The following RANBP2 variants were observed in gnomAD, a reference collection of about 807,000 sequenced individuals.
RANBP2 encodes the protein E3 SUMO-protein ligase RanBP2.
Under a neutral mutation model 303.6 loss-of-function variants are expected in RANBP2, and 57 were observed. That is an observed-to-expected ratio of 0.19 (90% CI 0.15 to 0.23). The LOEUF is 0.23. Among genes scored for constraint, RANBP2 ranks in the 10% least tolerant of loss-of-function variants. The probability of loss-of-function intolerance (pLI) is 1.00; values close to 1 mark genes in which losing one functional copy is unlikely to be tolerated. For synonymous variants in RANBP2, 1,167 were observed against 1,301.5 expected (o/e 0.90, Z 2.23); for missense variants, 3,138 against 3,780.8 (o/e 0.83, Z 4.46).
the RANBP2 span, among the ~76,000 whole-genome samples, chr2:109,514,395 G>A: frequency 3.3e-5 from 5 of 152,260 alleles, no homozygotes; most frequent in South Asian, 2.1e-4. Context: ...CAGCCCATCC[G>A]CCCACCGCCC....
At chr2:109,066,143 C>G in the RANBP2 span, among the ~76,000 whole-genome samples, 1 of 151,146 alleles carries the variant, frequency 6.6e-6, no homozygotes, top group African/African-American at 2.4e-5. Flanking sequence ...TAGTATCGCT[C>G]TGTCCCCCAG....
At chr2:109,629,300 A>AAGATAGATAGAT in the RANBP2 span, among the ~76,000 whole-genome samples, 1 of 105,816 alleles carries the variant, frequency 9.5e-6, no homozygotes, top group Non-Finnish European at 1.8e-5. Flanking sequence ...ACCTGGCCTA[A>AAGATAGATAGAT]AGATATATAT....
chr2:108,929,412 G>C, the RANBP2 span: 2 of 1,609,936 alleles, frequency 1.2e-6, no homozygotes, highest in Non-Finnish European at 1.7e-6. Flanking sequence ...GGACACAGGT[G>C]AGTGCAGCAG....
At chr2:108,755,725 T>G (rs1676259957) in intron 17 of RANBP2, among the ~76,000 whole-genome samples, 1 of 151,470 alleles carries the variant, frequency 6.6e-6, no homozygotes, top group Non-Finnish European at 1.5e-5. Context: ...TTACCATATT[T>G]TGTTTTGTTT....
At chr2:109,694,406 CTT>C in the RANBP2 span, among the ~76,000 whole-genome samples, 4 of 137,890 alleles carry the variant, frequency 2.9e-5, no homozygotes, top group Admixed American at 7.4e-5. Flanking sequence ...AACTAAACCT[CTT>C]TTTTTTTTTT....
chr2:109,404,903 T>C, the RANBP2 span, among the ~76,000 whole-genome samples: 1 of 152,234 alleles, frequency 6.6e-6, no homozygotes, highest in Non-Finnish European at 1.5e-5. Context: ...ACAGCACCCC[T>C]TCCTGAACCT....
chr2:108,786,837 C>T (rs1212700986), downstream of RANBP2: 1 of 1,591,278 alleles, frequency 6.3e-7, no homozygotes, highest in Non-Finnish European at 8.5e-7. Flanking sequence ...AGCCGAGGGT[C>T]GTCAAGCCAC....
chr2:109,679,159 C>T, the RANBP2 span, among the ~76,000 whole-genome samples: 1 of 152,178 alleles, frequency 6.6e-6, no homozygotes, highest in Non-Finnish European at 1.5e-5. Flanking sequence ...AAAATCACCA[C>T]CCAAAAGCAC....
the RANBP2 span, among the ~76,000 whole-genome samples, chr2:108,800,917 G>C: frequency 8.6e-6 from 1 of 116,738 alleles, no homozygotes; most frequent in African/African-American, 3.2e-5. Context: ...TGAGAATGAT[G>C]GTTTCCAGTT....
chr2:109,263,667 T>G, the RANBP2 span, among the ~76,000 whole-genome samples: 1 of 152,152 alleles, frequency 6.6e-6, no homozygotes, highest in Non-Finnish European at 1.5e-5. Context: ...ACTGTACTAT[T>G]AATAGAAAGG....
At chr2:109,076,973 C>T in the RANBP2 span, among the ~76,000 whole-genome samples, 3 of 150,374 alleles carry the variant, frequency 2.0e-5, no homozygotes, top group Non-Finnish European at 3.0e-5. Context: ...AGAGTCATTG[C>T]ACTCCCTGAT....
At chr2:109,713,675 C>T in the RANBP2 span, among the ~76,000 whole-genome samples, 1 of 152,056 alleles carries the variant, frequency 6.6e-6, no homozygotes, top group Non-Finnish European at 1.5e-5. Flanking sequence ...TCCTTGTGCC[C>T]AGAGAGTCCA....
chr2:108,866,371 C>T, the RANBP2 span, among the ~76,000 whole-genome samples: 1 of 152,228 alleles, frequency 6.6e-6, no homozygotes, highest in Non-Finnish European at 1.5e-5. Flanking sequence ...CTAACATTCA[C>T]AGGTTCCCAT....
chr2:108,825,632 A>G, the RANBP2 span, among the ~76,000 whole-genome samples: 2 of 152,168 alleles, frequency 1.3e-5, no homozygotes, highest in African/African-American at 4.8e-5. Context: ...ACATGTGTCA[A>G]TACTTCATTC....
At chr2:109,384,623 G>A in the RANBP2 span, among the ~76,000 whole-genome samples, 2 of 152,124 alleles carry the variant, frequency 1.3e-5, no homozygotes, top group South Asian at 2.1e-4. Flanking sequence ...CTTCTCTGCC[G>A]AGTGCCCGCG....
At chr2:109,381,865 T>C in the RANBP2 span, among the ~76,000 whole-genome samples, 7 of 151,986 alleles carry the variant, frequency 4.6e-5, no homozygotes, top group Admixed American at 1.3e-4. Context: ...AAGCTGTGCA[T>C]GTTTATAAGG....
the RANBP2 span, among the ~76,000 whole-genome samples, chr2:109,258,188 T>C: frequency 6.6e-6 from 1 of 152,182 alleles, no homozygotes; most frequent in Admixed American, 6.5e-5. Context: ...AAGAGTAAAC[T>C]TACCTTAATA....
chr2:109,697,192 T>C, the RANBP2 span, among the ~76,000 whole-genome samples: 1 of 152,228 alleles, frequency 6.6e-6, no homozygotes, highest in Admixed American at 6.5e-5. Context: ...TATGCTAATA[T>C]AAAAGGCATT....
the RANBP2 span, among the ~76,000 whole-genome samples, chr2:109,491,832 A>G: frequency 6.6e-6 from 1 of 152,318 alleles, no homozygotes; most frequent in Admixed American, 6.5e-5. Flanking sequence ...TTTCTGCCAG[A>G]ACCTTTCCTC....
Sources: gnomAD v4.1 joint callset for allele counts (sites outside exome capture counted in the v4.1 genomes callset) on GRCh38, gnomAD v4.1.1 for gene constraint, MANE v1.5 for transcripts, NCBI Gene and HGNC (gene_info 2026-07-23, HGNC 2026-07-21) for gene names.